Variants in B3GALT1 observed in about 807,000 individuals in gnomAD.
B3GALT1 encodes the protein UDP-Gal:betaGlcNAc beta 1,3-galactosyltransferase, polypeptide 1.
Under a neutral mutation model 23.2 loss-of-function variants are expected in B3GALT1, and 10 were observed. That is an observed-to-expected ratio of 0.43 (90% CI 0.27 to 0.73). The LOEUF (loss-of-function observed/expected upper bound fraction) is 0.73. Ranked by LOEUF, B3GALT1 falls within the 30% of genes least tolerant of loss-of-function variation. B3GALT1 has a pLI of 0.21. For missense variants in B3GALT1, 299 were observed against 405.4 expected (o/e 0.74, Z 2.25); for synonymous variants, 156 against 141.5 (o/e 1.10, Z -0.73).
At chr2:167,319,275 G>A (rs1255624025) in intron 1 of B3GALT1, among the ~76,000 whole-genome samples, 1 of 152,014 alleles carries the variant, frequency 6.6e-6, no homozygotes, top group African/African-American at 2.4e-5. Flanking sequence ...AAACATATAA[G>A]GGAGCTTTTC....
At chr2:167,416,845 C>CTGGGTTTCAGAT (rs1698478614) in intron 1 of B3GALT1, among the ~76,000 whole-genome samples, 1 of 152,186 alleles carries the variant, frequency 6.6e-6, no homozygotes, top group Non-Finnish European at 1.5e-5. Context: ...GTTTATCTTT[C>CTGGGTTTCAGAT]TGGGTTTCAG....
rs531496157 is a variant in B3GALT1, at chr2:167,752,399, A to C, written c.-351-66273A>C. On this transcript the variant is annotated intron_variant, in intron 3 of 4. Transcript: ENST00000392690. ...AAGGAGAATACTTAATAGTAATTTTATAAAGGCCGTGTAAATGTAAAGCAT... is the reference window on the plus strand; with the variant it reads ...AAGGAGAATACTTAATAGTAATTTTCTAAAGGCCGTGTAAATGTAAAGCAT... Among the ~76,000 whole-genome samples the C allele has an allele frequency of 1.2e-3, 176 of 152,340 alleles. 1 individual carries two copies. Among genetic ancestry groups the C allele is most frequent in the South Asian group, 2.9e-3 (14 of 4,826 alleles).
chr2:167,779,137 A>G (rs1405023510), intron 3 of B3GALT1, among the ~76,000 whole-genome samples: 7 of 152,250 alleles, frequency 4.6e-5, no homozygotes, highest in Non-Finnish European at 7.3e-5. Context: ...TCTTTCTTTC[A>G]TTCACTCACT....
At position 167,714,344 on chromosome 2, in the gene B3GALT1, C is replaced by T. The variant is rs1380299864; in HGVS notation, c.-352+67378C>T. On this transcript the variant is annotated intron_variant, in intron 3 of 4. Coordinates refer to ENST00000392690, the MANE Select transcript of B3GALT1 (RefSeq NM_020981.4). The stretch of plus-strand genomic sequence containing the variant: ...AGTTGACCTATCACAGCTTGGTTCT[C>T]CTCTTTTATTGGTAATCTGATGGTC... The T allele has an allele frequency of 7.3e-6, 11 of 1,498,062 alleles. No individual in the cohort carries two copies. In the East Asian group the frequency reaches 2.5e-4, roughly 34 times the overall value. The allele number at this position is 1,498,062 out of a possible 1,614,324, so 92.8% of individuals were successfully genotyped here. A position where few individuals can be genotyped will look rare whatever the true frequency, so the allele number is the denominator to read the frequency against.
At chr2:167,555,093 C>G (rs1440693063) in intron 2 of B3GALT1, among the ~76,000 whole-genome samples, 1 of 152,108 alleles carries the variant, frequency 6.6e-6, no homozygotes, top group Non-Finnish European at 1.5e-5. Context: ...GAACTATATG[C>G]CATGGGAATG....
At chr2:167,692,514 A>T (rs1259619465) in intron 3 of B3GALT1, among the ~76,000 whole-genome samples, 2 of 152,140 alleles carry the variant, frequency 1.3e-5, no homozygotes, top group Non-Finnish European at 2.9e-5. Flanking sequence ...ACTCATTTTT[A>T]AAAAATTTTA....
At chr2:167,446,176 A>G (rs1283036068) in intron 1 of B3GALT1, among the ~76,000 whole-genome samples, 1 of 152,198 alleles carries the variant, frequency 6.6e-6, no homozygotes, top group East Asian at 1.9e-4. Context: ...TTCTTTAAGA[A>G]TGTTGAATAT....
intron 3 of B3GALT1, among the ~76,000 whole-genome samples, chr2:167,808,139 GT>G: frequency 6.6e-6 from 1 of 150,752 alleles, no homozygotes; most frequent in East Asian, 1.9e-4. Flanking sequence ...GCCTTTTTTT[GT>G]TTTCCATTGG....
chr2:167,676,115 G>A (rs1018858222), intron 3 of B3GALT1, among the ~76,000 whole-genome samples: 1 of 151,948 alleles, frequency 6.6e-6, no homozygotes, highest in African/African-American at 2.4e-5. Flanking sequence ...CGAATCTCAT[G>A]GTTCCAGATT....
chr2:167,361,591 A>G (rs758676075), intron 1 of B3GALT1, among the ~76,000 whole-genome samples: 10 of 152,168 alleles, frequency 6.6e-5, no homozygotes, highest in Non-Finnish European at 1.2e-4. Flanking sequence ...AAAAACTCCA[A>G]AAGGACAAAT....
chr2:167,652,233 A>G (rs1685881679), intron 3 of B3GALT1, among the ~76,000 whole-genome samples: 1 of 152,282 alleles, frequency 6.6e-6, no homozygotes, highest in African/African-American at 2.4e-5. Context: ...CACAACAGAC[A>G]TCCTGGGAAA....
chr2:167,734,090 ACAGG>A (rs1687454702), intron 3 of B3GALT1, among the ~76,000 whole-genome samples: 1 of 152,220 alleles, frequency 6.6e-6, no homozygotes, highest in Admixed American at 6.5e-5. Context: ...TTCCCTGTGC[ACAGG>A]CAGGACATGG....
At chr2:167,438,288 C>G (rs1264436682) in intron 1 of B3GALT1, among the ~76,000 whole-genome samples, 1 of 152,120 alleles carries the variant, frequency 6.6e-6, no homozygotes, top group Non-Finnish European at 1.5e-5. Flanking sequence ...ATTCAGAAAA[C>G]AAGAAGTTTC....
chr2:167,349,831 G>A (rs561820297), intron 1 of B3GALT1, among the ~76,000 whole-genome samples: 41 of 152,084 alleles, frequency 2.7e-4, no homozygotes, highest in Non-Finnish European at 5.0e-4. Context: ...CCATAAAGAC[G>A]TAGTGTGTAT....
chr2:167,409,090 T>G (rs1211340535), intron 1 of B3GALT1, among the ~76,000 whole-genome samples: 2 of 152,156 alleles, frequency 1.3e-5, no homozygotes, highest in East Asian at 3.9e-4. Flanking sequence ...AAAGACTAAA[T>G]CTAGAGACAT....
At chr2:167,526,254 G>C (rs1400042055) in intron 2 of B3GALT1, among the ~76,000 whole-genome samples, 1 of 151,894 alleles carries the variant, frequency 6.6e-6, no homozygotes, top group Admixed American at 6.6e-5. Flanking sequence ...TATATATTAA[G>C]GTAAACATGA....
intron 4 of B3GALT1, among the ~76,000 whole-genome samples, chr2:167,826,097 G>A (rs1165636067): frequency 1.3e-5 from 2 of 152,128 alleles, no homozygotes; most frequent in East Asian, 3.9e-4. Context: ...CAGCTGAGAA[G>A]AGTAGCAGAC....
chr2:167,862,343 C>G (rs542362115), intron 4 of B3GALT1, among the ~76,000 whole-genome samples: 1 of 152,162 alleles, frequency 6.6e-6, no homozygotes, highest in African/African-American at 2.4e-5. Context: ...GCTCGAGAAC[C>G]AGAAGCACTG....
At chr2:167,771,317 C>T (rs1688068998) in intron 3 of B3GALT1, among the ~76,000 whole-genome samples, 1 of 152,166 alleles carries the variant, frequency 6.6e-6, no homozygotes, top group African/African-American at 2.4e-5. Flanking sequence ...AGGCCGTGTG[C>T]AGTGGCTCAC....
Sources: gnomAD v4.1 joint callset for allele counts (sites outside exome capture counted in the v4.1 genomes callset) on GRCh38, gnomAD v4.1.1 for gene constraint, MANE v1.5 for transcripts, NCBI Gene and HGNC (gene_info 2026-07-23, HGNC 2026-07-21) for gene names.